ZNF536: variants seen among roughly 807,000 people sequenced by gnomAD.
ZNF536 encodes zinc finger protein 536.
ZNF536 carries 13 observed loss-of-function variants against 84.5 expected under a neutral mutation model. That is an observed-to-expected ratio of 0.15 (90% CI 0.10 to 0.24). The LOEUF (loss-of-function observed/expected upper bound fraction) is 0.24. Among genes scored for constraint, ZNF536 ranks in the 10% least tolerant of loss-of-function variants. The pLI is 1.00. For missense variants in ZNF536, 1,536 were observed against 1,747.5 expected (o/e 0.88, Z 2.16); for synonymous variants, 811 against 742.5 (o/e 1.09, Z -1.50).
intron 1 of ZNF536, among the ~76,000 whole-genome samples, chr19:30,426,277 A>C (rs76419872): frequency 0.011 from 1,734 of 152,338 alleles, 12 homozygotes; most frequent in Non-Finnish European, 0.016. Flanking sequence ...AAAGAACTCT[A>C]TTCCTTTAAA....
intron 1 of ZNF536, among the ~76,000 whole-genome samples, chr19:30,585,566 TC>T (rs1222149583): frequency 6.6e-6 from 1 of 152,174 alleles, no homozygotes; most frequent in Non-Finnish European, 1.5e-5. Flanking sequence ...GGTTCTCTCA[TC>T]CAGGGAAGCT....
Position 30,444,878 on chromosome 19 carries a change from T to G in ZNF536, c.1316T>G (p.Met439Arg). Residue 439 changes from methionine (M) to arginine (R), a missense_variant, in exon 2 of 5, where the codon ATG becomes AGG. Met to Arg is a moderately conservative substitution (Grantham distance 91). This residue lies in a region of ZNF536 where 366 missense variants were observed against 364.4 expected (regional missense o/e 1.00). Coordinates refer to ENST00000355537, the MANE Select transcript of ZNF536 (RefSeq NM_014717.3). ...RYLSCLQSGF[M>R]TPDKAGLSEP... ...CTCTCCTGCCTGCAGAGTGGCTTCA[T>G]GACCCCGGACAAAGCCGGCCTGAGC... 6.2e-7 allele frequency: 1 copy of G among 1,612,922 alleles called. No individual in the cohort carries two copies. The highest frequency in any genetic ancestry group is 8.5e-7 in the Non-Finnish European group (1 of 1,179,664).
At chr19:30,263,769 A>G (rs1415187503) in intron 1 of ZNF536, among the ~76,000 whole-genome samples, 2 of 151,900 alleles carry the variant, frequency 1.3e-5, no homozygotes, top group Non-Finnish European at 2.9e-5. Context: ...CCGCGTTTCC[A>G]TTGTTTTCTA....
chr19:30,549,774 C>G (rs149031925), intron 4 of ZNF536, among the ~76,000 whole-genome samples: 1 of 152,076 alleles, frequency 6.6e-6, no homozygotes, highest in Non-Finnish European at 1.5e-5. Context: ...AGGGGGTGGT[C>G]GCTCACCATG....
chr19:30,281,938 G>A (rs1045494951), intron 1 of ZNF536, among the ~76,000 whole-genome samples: 7 of 152,146 alleles, frequency 4.6e-5, no homozygotes, highest in Admixed American at 1.3e-4. Flanking sequence ...TCACGTCCAG[G>A]CTGCTTCTGG....
At chr19:30,470,316 C>T (rs1249064869) in intron 2 of ZNF536, among the ~76,000 whole-genome samples, 1 of 152,122 alleles carries the variant, frequency 6.6e-6, no homozygotes, top group East Asian at 1.9e-4. Flanking sequence ...CCCAGCTTCC[C>T]CTGTTGTTAA....
chr19:30,231,611 G>A (rs1334604090), intron 1 of ZNF536, among the ~76,000 whole-genome samples: 1 of 152,180 alleles, frequency 6.6e-6, no homozygotes, highest in Admixed American at 6.5e-5. Flanking sequence ...GTACCTGCTC[G>A]GGAGTTGGAA....
At chr19:30,590,176 T>C (rs968519833) in intron 1 of ZNF536, among the ~76,000 whole-genome samples, 8 of 152,134 alleles carry the variant, frequency 5.3e-5, no homozygotes, top group African/African-American at 1.9e-4. Context: ...TCTGATCTGG[T>C]GAGTGTGAGC....
chr19:30,601,032 G>T lies in ZNF536; in HGVS notation c.169+51518G>T, dbSNP rs1313805325. Among the ~76,000 whole-genome samples, 3 of 152,178 alleles carry T rather than the reference G, an allele frequency of 2.0e-5. No individual in the cohort carries two copies. The East Asian group carries it at 5.8e-4, about 29-fold the overall frequency. On this transcript the variant is annotated intron_variant, in intron 1 of 1. Transcript: ENST00000592773. ...AAAAGGTCTAAACTCTCACTTCCAG[G>T]CCAGATTGAGGTTAGTGCTAAGCCA...
chr19:30,486,517 T>C (rs1330776649), intron 2 of ZNF536, among the ~76,000 whole-genome samples: 1 of 152,244 alleles, frequency 6.6e-6, no homozygotes, highest in Non-Finnish European at 1.5e-5. Flanking sequence ...GGCATTTAGG[T>C]TGATTCCATG....
chr19:30,672,975 C>A (rs1186406473), intron 1 of ZNF536, among the ~76,000 whole-genome samples: 1 of 152,122 alleles, frequency 6.6e-6, no homozygotes, highest in East Asian at 1.9e-4. Context: ...GGGGTGTTCA[C>A]CCTTTGGCCC....
chr19:30,401,661 A>G (rs546434952), intron 1 of ZNF536, among the ~76,000 whole-genome samples: 6 of 152,354 alleles, frequency 3.9e-5, no homozygotes, highest in Non-Finnish European at 5.9e-5. Flanking sequence ...AATTATCATA[A>G]CCATTTAAAT....
chr19:30,425,167 C>A (rs1407545778), intron 1 of ZNF536, among the ~76,000 whole-genome samples: 1 of 151,510 alleles, frequency 6.6e-6, no homozygotes, highest in Non-Finnish European at 1.5e-5. Context: ...ATGGGTGCAC[C>A]AAAATCTCAC....
At chr19:30,587,052 A>T (rs1385017307) in intron 1 of ZNF536, among the ~76,000 whole-genome samples, 1 of 152,238 alleles carries the variant, frequency 6.6e-6, no homozygotes, top group South Asian at 2.1e-4. Flanking sequence ...GACAAATAAC[A>T]TGACTCTGTC....
chr19:30,312,298 G>A (rs1016169609), intron 2 of ZNF536, among the ~76,000 whole-genome samples: 7 of 152,066 alleles, frequency 4.6e-5, no homozygotes, highest in Admixed American at 3.9e-4. Context: ...CAGAGGGGGC[G>A]GGGATGGAAG....
chr19:30,623,713 C>A (rs1302914447), intron 1 of ZNF536, among the ~76,000 whole-genome samples: 2 of 152,224 alleles, frequency 1.3e-5, no homozygotes, highest in African/African-American at 4.8e-5. Flanking sequence ...TTTGGACCAG[C>A]CCCATCCTAG....
intron 2 of ZNF536, among the ~76,000 whole-genome samples, chr19:30,526,718 C>T (rs1330945601): frequency 1.0e-5 from 1 of 96,588 alleles, no homozygotes; most frequent in Non-Finnish European, 2.3e-5. Flanking sequence ...AGCGAGACTC[C>T]GTCTCAAAAA....
intron 1 of ZNF536, among the ~76,000 whole-genome samples, chr19:30,262,906 A>G (rs1018040884): frequency 6.6e-6 from 1 of 152,194 alleles, no homozygotes; most frequent in Admixed American, 6.5e-5. Flanking sequence ...AATTTGCAAC[A>G]TGAATGGAGA....
At chr19:30,227,710 C>G (rs2022695812), upstream of ZNF536, among the ~76,000 whole-genome samples, 1 of 151,760 alleles carries the variant, frequency 6.6e-6, no homozygotes, top group African/African-American at 2.4e-5. Context: ...CGGTACGGCC[C>G]TCCGGTTCCT....
Sources: gnomAD v4.1 joint callset for allele counts (sites outside exome capture counted in the v4.1 genomes callset) on GRCh38, gnomAD v4.1.1 for gene constraint, gnomAD v4.1.1 regional missense constraint, MANE v1.5 for transcripts, NCBI Gene and HGNC (gene_info 2026-07-23, HGNC 2026-07-21) for gene names.